Variants in CA10 observed in about 807,000 individuals in gnomAD.
CA10 encodes the protein carbonic anhydrase 10 (inactive).
In CA10, 14 loss-of-function variants were observed where a neutral mutation model predicts 44.2. The ratio of observed to expected loss-of-function variants is 0.32; its 90% CI spans 0.21 to 0.50. The LOEUF (loss-of-function observed/expected upper bound fraction) is 0.50, where lower values mean the gene tolerates loss of function less well. CA10 is among the 20% of genes least tolerant of loss of function. The probability of loss-of-function intolerance (pLI) is 0.99; values close to 1 mark genes in which losing one functional copy is unlikely to be tolerated. For synonymous variants in CA10, 159 were observed against 141.6 expected, an observed-to-expected ratio of 1.12 and a Z score of -0.87; for missense variants, 350 against 409.7, an observed-to-expected ratio of 0.85 and a Z score of 1.26.
intron 1 of CA10, among the ~76,000 whole-genome samples, chr17:52,108,179 T>TA (rs1284063530): frequency 1.5e-5 from 2 of 134,878 alleles, no homozygotes; most frequent in Admixed American, 1.5e-4. Flanking sequence ...TAATATATTT[T>TA]TATATATATA....
chr17:51,898,507 G>A (rs1981170948), intron 3 of CA10, among the ~76,000 whole-genome samples: 1 of 151,946 alleles, frequency 6.6e-6, no homozygotes, highest in Non-Finnish European at 1.5e-5. Context: ...GTGGCCTGAG[G>A]TTTTCCTTTT....
rs149771662 is a variant in CA10 at position 52,053,562 on chromosome 17, G to A, written c.136+18757C>T. On this transcript the variant is annotated intron_variant, in intron 2 of 8. Coordinates refer to ENST00000451037, the MANE Select transcript of CA10 (RefSeq NM_020178.5). ...GATATAATTGTCAAAATTTAAGAAG[G>A]TAACAGAAGTCCTGTACAAAAGAAT... Among the ~76,000 whole-genome samples, 463 of 152,048 alleles carry A rather than the reference G, an allele frequency of 3.0e-3. 2 individuals carry two copies. The highest frequency in any genetic ancestry group is 9.7e-3 in the African/African-American group (403 of 41,502).
intron 6 of CA10, among the ~76,000 whole-genome samples, chr17:51,646,612 C>T (rs1312177986): frequency 6.6e-6 from 1 of 152,152 alleles, no homozygotes; most frequent in African/African-American, 2.4e-5. Flanking sequence ...CTGGCCTAAC[C>T]TGCTGCCTGT....
intron 2 of CA10, among the ~76,000 whole-genome samples, chr17:51,943,983 G>A (rs756082907): frequency 2.0e-5 from 3 of 152,066 alleles, no homozygotes; most frequent in African/African-American, 7.2e-5. Context: ...TCCTGGTGGG[G>A]TTAGTAAAAT....
chr17:51,896,149 G>T (rs1981058556), intron 3 of CA10, among the ~76,000 whole-genome samples: 2 of 151,978 alleles, frequency 1.3e-5, no homozygotes, highest in South Asian at 4.1e-4. Context: ...TAGGTAAATT[G>T]CATGTCATGG....
chr17:51,692,370 T>TCCATC (rs918891193), intron 4 of CA10, among the ~76,000 whole-genome samples: 2 of 21,780 alleles, frequency 9.2e-5, no homozygotes, highest in Non-Finnish European at 1.5e-4. Flanking sequence ...ATCCATCCTA[T>TCCATC]CTATCTATCT....
intron 2 of CA10, among the ~76,000 whole-genome samples, chr17:51,992,119 T>C (rs778663694): frequency 2.0e-5 from 3 of 152,146 alleles, no homozygotes; most frequent in African/African-American, 4.8e-5. Context: ...GTTTCTGATA[T>C]AGCTGTGAAC....
At chr17:51,805,044 C>T (rs992315303) in intron 3 of CA10, among the ~76,000 whole-genome samples, 1 of 152,188 alleles carries the variant, frequency 6.6e-6, no homozygotes, top group Non-Finnish European at 1.5e-5. Context: ...TTCCACATTG[C>T]CTTGCAGGGT....
intron 4 of CA10, among the ~76,000 whole-genome samples, chr17:51,726,075 G>A (rs759451989): frequency 1.9e-4 from 29 of 152,194 alleles, no homozygotes; most frequent in Non-Finnish European, 3.4e-4. Context: ...AAGAGAAGTA[G>A]GATTTGATAG....
intron 4 of CA10, among the ~76,000 whole-genome samples, chr17:51,693,654 C>A (rs1449990018): frequency 6.6e-6 from 1 of 152,108 alleles, no homozygotes; most frequent in Non-Finnish European, 1.5e-5. Flanking sequence ...CATCCATATT[C>A]CTGCAAAAAT....
chr17:51,680,305 G>A (rs1433848862), intron 4 of CA10, among the ~76,000 whole-genome samples: 3 of 152,144 alleles, frequency 2.0e-5, no homozygotes, highest in Non-Finnish European at 2.9e-5. Flanking sequence ...GAAAGCAGGT[G>A]GCATGACTAC....
intron 2 of CA10, among the ~76,000 whole-genome samples, chr17:51,995,416 G>T (rs903624907): frequency 6.6e-6 from 1 of 151,948 alleles, no homozygotes; most frequent in Admixed American, 6.6e-5. Flanking sequence ...ATATGGGGTA[G>T]CATTTTTTAA....
intron 4 of CA10, among the ~76,000 whole-genome samples, chr17:51,725,287 A>C (rs1270099350): frequency 2.0e-5 from 3 of 152,220 alleles, no homozygotes; most frequent in Non-Finnish European, 2.9e-5. Flanking sequence ...AATAACCCAT[A>C]TGAGAAAGGA....
chr17:51,671,655 C>T (rs951862728), intron 4 of CA10, among the ~76,000 whole-genome samples: 1 of 152,040 alleles, frequency 6.6e-6, no homozygotes, highest in African/African-American at 2.4e-5. Context: ...CCGCCTGCCT[C>T]GGCCTCCAAA....
chr17:51,726,867 A>C lies in CA10; in HGVS notation c.465+20766T>G, dbSNP rs149235359. The stretch of plus-strand genomic sequence containing the variant: ...CTCATTTGACAAACAAGAGGCTCAG[A>C]AAGGGGAAATGAACTTTAATGAAAT... On this transcript the variant is annotated intron_variant, in intron 4 of 8. Transcript: ENST00000451037. 1.9e-3 allele frequency among the ~76,000 whole-genome samples: 289 copies of C among 152,340 alleles called. 1 individual carries two copies. The highest frequency in any genetic ancestry group is 6.6e-3 in the African/African-American group (276 of 41,586).
At chr17:51,721,790 G>C (rs568368618) in intron 4 of CA10, among the ~76,000 whole-genome samples, 3 of 152,232 alleles carry the variant, frequency 2.0e-5, no homozygotes, top group Admixed American at 6.5e-5. Context: ...TGCACCCAAA[G>C]AAGGCCTAGA....
intron 1 of CA10, among the ~76,000 whole-genome samples, chr17:52,109,897 C>T (rs1988753352): frequency 6.6e-6 from 1 of 152,158 alleles, no homozygotes; most frequent in Admixed American, 6.5e-5. Context: ...AGACCCTGTT[C>T]CTATTATCTC....
At chr17:51,822,684 G>C (rs983606785) in intron 3 of CA10, among the ~76,000 whole-genome samples, 1 of 152,190 alleles carries the variant, frequency 6.6e-6, no homozygotes, top group African/African-American at 2.4e-5. Context: ...GGAAGAATGT[G>C]TAGCATGGTG....
intron 2 of CA10, among the ~76,000 whole-genome samples, chr17:51,997,600 G>A (rs541313280): frequency 5.9e-5 from 9 of 152,156 alleles, no homozygotes; most frequent in East Asian, 3.9e-4. Flanking sequence ...GCTCAGCAAA[G>A]TTCTTCTCAC....
Sources: gnomAD v4.1 joint callset for allele counts (sites outside exome capture counted in the v4.1 genomes callset) on GRCh38, gnomAD v4.1.1 for gene constraint, MANE v1.5 for transcripts, NCBI Gene and HGNC (gene_info 2026-07-23, HGNC 2026-07-21) for gene names.